The following IL9R variants were observed in gnomAD, a reference collection of about 807,000 sequenced individuals.
IL9R encodes the protein interleukin-9 receptor.
Under a neutral mutation model 56.3 loss-of-function variants are expected in IL9R, and 54 were observed. The observed-to-expected ratio is 0.96, with a 90% CI of 0.77 to 1.20. The LOEUF is 1.20. IL9R is among the 50% of genes most tolerant of loss of function. The probability of loss-of-function intolerance (pLI) is 0.00; values close to 1 mark genes in which losing one functional copy is unlikely to be tolerated. For missense variants in IL9R, 545 were observed against 629.8 expected (o/e 0.87, Z 1.44); for synonymous variants, 212 against 250.2 (o/e 0.85, Z 1.44).
chrX:156,002,447 CT>C (rs1320769587), intron 1 of IL9R, among the ~76,000 whole-genome samples: 5 of 152,208 alleles, frequency 3.3e-5, no homozygotes, highest in Non-Finnish European at 5.9e-5. Flanking sequence ...GACAGTGCTT[CT>C]CCCTTACAGA....
Position 156,005,403 on chromosome X carries a change from G to A in IL9R, c.705G>A (p.Val235=), listed in dbSNP as rs758372195. Residue 235 remains valine, a synonymous_variant, in exon 6 of 9, where the codon GTG becomes GTA. Transcript: ENST00000244174. ...AGATGGCCACACTGGAGGATGATGT[G>A]GTAGAGGAGGAGCGTTATACAGGCC... ...RVQMATLEDD[V]VEEERYTGQW... is the part of the protein sequence containing the mutation. The A allele has an allele frequency of 1.2e-5, 19 of 1,613,074 alleles. No individual in the cohort carries two copies. Among genetic ancestry groups the A allele is most frequent in the Non-Finnish European group, 1.5e-5 (18 of 1,179,832 alleles).
chrX:156,003,634 G>A (rs1267747132), intron 3 of IL9R, 43 bp from the exon 4 acceptor site: 1 of 1,612,334 alleles, frequency 6.2e-7, no homozygotes, highest in Non-Finnish European at 8.5e-7. Flanking sequence ...GCTATGCCAG[G>A]ACAGTGTAGC....
rs765586557 is a variant in IL9R at position 155,997,754 on chromosome X, C to G, written c.-6C>G. On this transcript the variant is annotated 5_prime_UTR_variant, in exon 1 of 9. Transcript: ENST00000244174. ...ACCTCCAGGTTGGGGATGCCTCAGA[C>G]TTGTGATGGGACTGGGCAGATGCAT... is the stretch of plus-strand genomic sequence containing the variant. 104 of 1,613,578 alleles carry G rather than the reference C, an allele frequency of 6.4e-5. 1 individual carries two copies. Among genetic ancestry groups the G allele is most frequent in the Admixed American group, 3.7e-4 (22 of 59,964 alleles).
rs369236927 is a variant in IL9R, at chrX:156,001,454, G to A, written c.29-1452G>A. The stretch of plus-strand genomic sequence containing the variant: ...GACACTGCTGCAGAGAACTTGCCAC[G>A]GTGTTTCATGCTGTGGCTGGTGGTT... On this transcript the variant is annotated intron_variant, in intron 1 of 8. Transcript: ENST00000244174. The A allele has an allele frequency of 2.6e-5, 42 of 1,610,812 alleles. 1 individual carries two copies. The highest frequency in any genetic ancestry group is 4.5e-4 in the Middle Eastern group (2 of 4,430).
At chrX:156,005,585 C>T (rs2067875700) in intron 6 of IL9R, 106 bp downstream of exon 6, 1 of 936,918 alleles carries the variant, frequency 1.1e-6, no homozygotes, top group Non-Finnish European at 1.7e-6. Flanking sequence ...AAGCCCCTCC[C>T]CGAGGCAGCC....
rs200609983 is a variant in IL9R, at chrX:156,003,022, G to C, written c.142+3G>C. On this transcript the variant is annotated splice_donor_region_variant and intron_variant, in intron 2 of 8. Coordinates refer to ENST00000244174, the MANE Select transcript of IL9R (RefSeq NM_002186.3). ...CTCTGTCACAGGGGAAGGACAAGGT[G>C]AGGGCTGGGCACTAATGTCTGTATG... 176 of 1,613,834 alleles carry C rather than the reference G, an allele frequency of 1.1e-4. No individual in the cohort carries two copies. In the African/African-American group the frequency reaches 2.0e-3, roughly 18 times the overall value.
Position 156,006,136 on chromosome X carries a change from A to G in IL9R, c.835A>G (p.Ile279Val), listed in dbSNP as rs775393655. Reference sequence around the variant, plus strand: ...AGGCAACACCCTTGTTGCTGTGTCCATCTTTCTCCTGCTGACTGGCCCGAC... The same window carrying G: ...AGGCAACACCCTTGTTGCTGTGTCCGTCTTTCTCCTGCTGACTGGCCCGAC... ...WPGNTLVAVS[I>V]FLLLTGPTYL... The change falls in exon 7 of 9, where the codon ATC (isoleucine) becomes GTC (valine). Residue 279 changes from isoleucine (I) to valine (V), a missense_variant. Around this residue, in one of 2 missense-constraint regions of IL9R, gnomAD observed 431 missense variants for 360.0 expected, o/e 1.20. Coordinates refer to ENST00000244174, the MANE Select transcript of IL9R (RefSeq NM_002186.3). 20 of 1,587,322 alleles carry G rather than the reference A, an allele frequency of 1.3e-5. No homozygotes were observed. Among genetic ancestry groups the G allele is most frequent in the Non-Finnish European group, 1.7e-5 (20 of 1,158,236 alleles).
chrX:156,003,669 C>T lies in IL9R; in HGVS notation c.255-8C>T, dbSNP rs2067695398. ...CAGCCCCGTGGTGCTGACAAATGCCCTTTCCAGCAACCAGGCTCCTGGCGG... is the reference window on the plus strand; with the variant it reads ...CAGCCCCGTGGTGCTGACAAATGCCTTTTCCAGCAACCAGGCTCCTGGCGG... On this transcript the variant is annotated splice_polypyrimidine_tract_variant and splice_region_variant and intron_variant, in intron 3 of 8. Coordinates refer to ENST00000244174, the MANE Select transcript of IL9R (RefSeq NM_002186.3). 3.1e-6 allele frequency: 5 copies of T among 1,612,436 alleles called. No homozygotes were observed. The highest frequency in any genetic ancestry group is 1.3e-5 in the African/African-American group (1 of 74,908).
In IL9R at chrX:156,006,094, C is replaced by T. The variant is rs1398197560; in HGVS notation, c.793C>T (p.Pro265Ser). Residue 265 changes from proline (P) to serine (S), a missense_variant, in exon 7 of 9, where the codon CCA (proline) becomes TCA (serine). This residue lies in a region of IL9R where 431 missense variants were observed against 360.0 expected (regional missense o/e 1.20). Transcript: ENST00000244174. ...CTTCCTGTCCACAGGCCCTCTGATC[C>T]CACCCTGGGGGTGGCCAGGCAACAC... ...QAPQRQGPLI[P>S]PWGWPGNTLV... 2 of 1,600,564 alleles carry T rather than the reference C, an allele frequency of 1.2e-6. No individual in the cohort carries two copies. Among genetic ancestry groups the T allele is most frequent in the Non-Finnish European group, 1.7e-6 (2 of 1,169,718 alleles).
chrX:156,001,035 A>G (rs1269963868), intron 1 of IL9R, among the ~76,000 whole-genome samples: 3 of 152,140 alleles, frequency 2.0e-5, no homozygotes, highest in African/African-American at 7.2e-5. Context: ...ACTTCCCCTC[A>G]GATGGCCATA....
intron 3 of IL9R, 23 bp from the exon 4 acceptor site, chrX:156,003,654 G>A: frequency 1.9e-6 from 3 of 1,612,354 alleles, no homozygotes; most frequent in Non-Finnish European, 2.5e-6. Context: ...CAGCCCCGTG[G>A]TGCTGACAAA....
At chrX:156,004,598 C>T in intron 5 of IL9R, 33 bp downstream of exon 5, 1 of 1,609,126 alleles carries the variant, frequency 6.2e-7, no homozygotes, top group African/African-American at 1.3e-5. Context: ...CTGGGGGCCT[C>T]TCTCCTGGGA....
intron 1 of IL9R, among the ~76,000 whole-genome samples, chrX:156,000,575 C>T (rs928913570): frequency 2.0e-5 from 3 of 152,138 alleles, no homozygotes; most frequent in African/African-American, 7.2e-5. Context: ...CAGCTCTGTC[C>T]CAGGTGGCAG....
chrX:156,003,248 C>G (rs1297176962), intron 2 of IL9R, among the ~76,000 whole-genome samples: 2 of 152,094 alleles, frequency 1.3e-5, no homozygotes, highest in Non-Finnish European at 2.9e-5. Flanking sequence ...CTCTTGACGC[C>G]TCTCCAGATC....
rs371057928 is a variant in IL9R at position 156,005,460 on chromosome X, C to A, written c.762C>A (p.Phe254Leu). 5 of 1,612,646 alleles carry A rather than the reference C, an allele frequency of 3.1e-6. No homozygotes were observed. Among genetic ancestry groups the A allele is most frequent in the Admixed American group, 1.7e-5 (1 of 59,982 alleles). The stretch of plus-strand genomic sequence containing the variant: ...GTGAGTGGAGCCAGCCTGTGTGCTT[C>A]CAGGCTCCCCAGAGACAAGGTGGGC... ...QWSEWSQPVCFQAPQRQGPLI... is the reference protein window; with the variant it reads ...QWSEWSQPVCLQAPQRQGPLI... Residue 254 changes from phenylalanine to leucine, a missense_variant, in exon 6 of 9, where the codon TTC becomes TTA. By Grantham distance (22) the Phe-to-Leu change is conservative. Transcript: ENST00000244174.
intron 2 of IL9R, 65 bp from the exon 3 acceptor site, chrX:156,003,384 C>T: frequency 2.6e-6 from 3 of 1,152,792 alleles, no homozygotes; most frequent in Non-Finnish European, 3.9e-6. Flanking sequence ...AGATCCTCCC[C>T]AACCCCCGAG....
intron 1 of IL9R, 91 bp from the exon 2 acceptor site, chrX:156,002,815 C>A: frequency 6.3e-7 from 1 of 1,584,734 alleles, no homozygotes; most frequent in Non-Finnish European, 8.7e-7. Flanking sequence ...AGGTGGGGAC[C>A]CATGGAGCAC....
intron 1 of IL9R, chrX:156,001,635 G>GC: frequency 8.0e-6 from 5 of 622,856 alleles, no homozygotes; most frequent in South Asian, 7.9e-5. Context: ...GGTCCTTTAA[G>GC]GCTGTAAGTC....
chrX:156,007,175 G>C (rs2068029765), intron 7 of IL9R, among the ~76,000 whole-genome samples: 1 of 134,454 alleles, frequency 7.4e-6, no homozygotes, highest in Non-Finnish European at 1.6e-5. Context: ...ACTGGGTGGG[G>C]TGGGAGCCAC....
Sources: allele counts gnomAD v4.1 joint callset (sites outside exome capture counted in the v4.1 genomes callset), GRCh38; gene constraint gnomAD v4.1.1; regional missense constraint gnomAD v4.1.1; transcripts MANE v1.5; gene names NCBI Gene and HGNC (gene_info 2026-07-23, HGNC 2026-07-21).